OPRD1: variants seen among roughly 807,000 people sequenced by gnomAD.
The protein encoded by OPRD1 is delta-type opioid receptor.
OPRD1 carries 19 observed loss-of-function variants against 17.5 expected under a neutral mutation model. The ratio of observed to expected loss-of-function variants is 1.09; its 90% CI spans 0.76 to 1.60. The LOEUF (loss-of-function observed/expected upper bound fraction) is 1.60. Ranked by LOEUF, OPRD1 falls within the 40% of genes most tolerant of loss-of-function variation. The pLI, the probability that OPRD1 is intolerant of heterozygous loss-of-function variation, is 0.00. For synonymous variants in OPRD1, 256 were observed against 240.9 expected, an observed-to-expected ratio of 1.06 and a Z score of -0.58; for missense variants, 483 against 547.2, an observed-to-expected ratio of 0.88 and a Z score of 1.17.
intron 1 of OPRD1, among the ~76,000 whole-genome samples, chr1:28,854,844 G>T (rs1280007959): frequency 6.6e-6 from 1 of 151,890 alleles, no homozygotes; most frequent in African/African-American, 2.4e-5. Context: ...TAGAGACGGG[G>T]TTTCACCGTG....
chr1:28,822,867 G>C (rs1217553516), intron 1 of OPRD1, among the ~76,000 whole-genome samples: 1 of 152,184 alleles, frequency 6.6e-6, no homozygotes, highest in African/African-American at 2.4e-5. Flanking sequence ...TTGAGAGGCA[G>C]GGGGCTGTGC....
chr1:28,847,977 G>C (rs189704422), intron 1 of OPRD1, among the ~76,000 whole-genome samples: 11 of 145,710 alleles, frequency 7.5e-5, no homozygotes, highest in African/African-American at 2.7e-4. Context: ...TGCCAGGCAC[G>C]GTGGCTCATG....
At chr1:28,843,489 A>G (rs2088911290) in intron 1 of OPRD1, among the ~76,000 whole-genome samples, 1 of 152,028 alleles carries the variant, frequency 6.6e-6, no homozygotes, top group South Asian at 2.1e-4. Flanking sequence ...TGCCTCTATG[A>G]CTGTGACTAC....
chr1:28,821,038 T>C (rs1292182270), intron 1 of OPRD1, among the ~76,000 whole-genome samples: 2 of 152,202 alleles, frequency 1.3e-5, no homozygotes, highest in Non-Finnish European at 2.9e-5. Context: ...GCTTTTTCAT[T>C]TTGGTGTGTT....
At chr1:28,827,982 C>T (rs926086814) in intron 1 of OPRD1, among the ~76,000 whole-genome samples, 6 of 152,086 alleles carry the variant, frequency 3.9e-5, no homozygotes, top group Admixed American at 1.3e-4. Context: ...GGGATCCTCT[C>T]ACCTCAGCCT....
intron 1 of OPRD1, among the ~76,000 whole-genome samples, chr1:28,831,370 G>A (rs565206854): frequency 2.6e-4 from 39 of 152,260 alleles, no homozygotes; most frequent in African/African-American, 8.7e-4. Flanking sequence ...TTAGCCGGGC[G>A]TGGTGGCGTG....
rs79380773 is a variant in OPRD1, at chr1:28,835,050, G to A, written c.227+22440G>A. Among the ~76,000 whole-genome samples, 3 of 152,292 alleles carry A rather than the reference G, an allele frequency of 2.0e-5. No individual in the cohort carries two copies. The East Asian group carries it at 5.8e-4, about 29-fold the overall frequency. On this transcript the variant is annotated intron_variant, in intron 1 of 2. Transcript: ENST00000234961. ...GTGGGGTAGAGGGAGTATATCCTTTGTTCATAGCTGGAGCCCCAGCAGAGG... is the reference window on the plus strand; with the variant it reads ...GTGGGGTAGAGGGAGTATATCCTTTATTCATAGCTGGAGCCCCAGCAGAGG...
chr1:28,870,260 T>C lies in OPRD1; in HGVS notation c.*6977T>C, dbSNP rs976425507. The C allele has an allele frequency of 6.6e-6, 1 of 151,770 alleles. No homozygotes were observed. The highest frequency in any genetic ancestry group is 1.5e-5 in the Non-Finnish European group (1 of 67,962). The allele number at this position is 151,770 out of a possible 1,614,324, so 9.4% of individuals were successfully genotyped here. A position where few individuals can be genotyped will look rare whatever the true frequency, so the allele number is the denominator to read the frequency against. On this transcript the variant is annotated 3_prime_UTR_variant, in exon 3 of 3. Coordinates refer to ENST00000234961, the MANE Select transcript of OPRD1 (RefSeq NM_000911.4). ...TTTTTTTTTCTTTCTTTCTTTCTTT[T>C]TTTTTTTTTAAGACAGAGTCTCACT...
intron 1 of OPRD1, 102 bp from the exon 2 acceptor site, chr1:28,858,852 G>A: frequency 8.5e-7 from 1 of 1,170,176 alleles, no homozygotes; most frequent in Non-Finnish European, 1.2e-6. Context: ...AGCCTCCCCT[G>A]ACCTTTTGCA....
intron 1 of OPRD1, among the ~76,000 whole-genome samples, chr1:28,848,623 C>G (rs2088973336): frequency 6.6e-6 from 1 of 152,192 alleles, no homozygotes; most frequent in Non-Finnish European, 1.5e-5. Context: ...CACTTAATAC[C>G]TGTTAGATGA....
intron 1 of OPRD1, among the ~76,000 whole-genome samples, chr1:28,842,524 A>G (rs754120364): frequency 4.6e-5 from 7 of 152,228 alleles, no homozygotes; most frequent in Non-Finnish European, 1.0e-4. Flanking sequence ...GTCTCCATCA[A>G]ACTGAAAGAA....
intron 1 of OPRD1, among the ~76,000 whole-genome samples, chr1:28,826,349 C>T (rs1384741658): frequency 6.6e-6 from 1 of 151,854 alleles, no homozygotes; most frequent in Non-Finnish European, 1.5e-5. Context: ...ATGGCAGAAC[C>T]CTGTCTCTAC....
chr1:28,833,134 C>T (rs948303080), intron 1 of OPRD1, among the ~76,000 whole-genome samples: 1 of 152,176 alleles, frequency 6.6e-6, no homozygotes, highest in African/African-American at 2.4e-5. Context: ...CACAACACTT[C>T]TATGAGGTAG....
At chr1:28,812,690 G>A (rs112827498) in intron 1 of OPRD1, 80 bp downstream of exon 1, 2 of 1,257,806 alleles carry the variant, frequency 1.6e-6, no homozygotes, top group Non-Finnish European at 2.1e-6. Context: ...CCCCAAGCCC[G>A]TTCCCTGGAC....
At chr1:28,836,545 G>A (rs542373371) in intron 1 of OPRD1, among the ~76,000 whole-genome samples, 3 of 151,754 alleles carry the variant, frequency 2.0e-5, no homozygotes, top group African/African-American at 4.8e-5. Flanking sequence ...TCACAGTTCA[G>A]GAGGCTAGAA....
At chr1:28,833,539 G>T (rs1031890690) in intron 1 of OPRD1, among the ~76,000 whole-genome samples, 1 of 152,144 alleles carries the variant, frequency 6.6e-6, no homozygotes, top group Non-Finnish European at 1.5e-5. Flanking sequence ...ATTGGAAAAG[G>T]CCAACCCAGA....
At chr1:28,831,981 G>A (rs1022416852) in intron 1 of OPRD1, among the ~76,000 whole-genome samples, 1 of 152,180 alleles carries the variant, frequency 6.6e-6, no homozygotes, top group African/African-American at 2.4e-5. Flanking sequence ...GAAAACTGGG[G>A]CTCAGAGATG....
At chr1:28,860,347 A>G (rs6690810) in intron 2 of OPRD1, among the ~76,000 whole-genome samples, 6,668 of 147,752 alleles carry the variant, frequency 0.045, 365 homozygotes, top group African/African-American at 0.13. Flanking sequence ...CTTGGGCGAC[A>G]GAATGGGACT....
intron 1 of OPRD1, among the ~76,000 whole-genome samples, chr1:28,833,679 C>T (rs1258078650): frequency 6.6e-6 from 1 of 152,184 alleles, no homozygotes; most frequent in African/African-American, 2.4e-5. Flanking sequence ...CAAGTCGACA[C>T]ATCAGACTAA....
Sources: gnomAD v4.1 joint callset for allele counts (sites outside exome capture counted in the v4.1 genomes callset) on GRCh38, gnomAD v4.1.1 for gene constraint, MANE v1.5 for transcripts, NCBI Gene and HGNC (gene_info 2026-07-23, HGNC 2026-07-21) for gene names.